The following RPS7 variants were observed in gnomAD, a reference collection of about 807,000 sequenced individuals.
RPS7 encodes the protein small ribosomal subunit protein eS7.
A neutral mutation model predicts 22.1 loss-of-function variants in RPS7; 1 was observed. The ratio of observed to expected loss-of-function variants is 0.05; its 90% confidence interval spans 0.02 to 0.21. RPS7 has a LOEUF of 0.21. Ranked by LOEUF, RPS7 falls within the 10% of genes least tolerant of loss-of-function variation. RPS7 has a pLI of 1.00. For missense variants in RPS7, 137 were observed against 246.4 expected (o/e 0.56, Z 2.97); for synonymous variants, 80 against 92.0 (o/e 0.87, Z 0.74).
intron 3 of RPS7, 175 bp downstream of exon 3, chr2:3,576,063 G>A: frequency 1.5e-6 from 1 of 661,612 alleles, no homozygotes; most frequent in East Asian, 2.7e-5. Context: ...GGGGAGTGGG[G>A]TTGCAGGTAC....
intron 6 of RPS7, 152 bp from the exon 7 acceptor site, chr2:3,580,653 T>C: frequency 1.5e-6 from 1 of 675,934 alleles, no homozygotes. Flanking sequence ...GGAGAAGAGC[T>C]TGTCCCCGGT....
chr2:3,580,708 G>T, intron 6 of RPS7, 97 bp from the exon 7 acceptor site: 1 of 786,834 alleles, frequency 1.3e-6, no homozygotes. Flanking sequence ...AGTTGCTGAG[G>T]AGAAAAACAA....
intron 1 of RPS7, 67 bp from the exon 2 acceptor site, chr2:3,575,525 C>T (rs1661254379): frequency 9.8e-7 from 1 of 1,018,148 alleles, no homozygotes; most frequent in Non-Finnish European, 1.5e-6. Flanking sequence ...CCGGGGGGTG[C>T]GGGCGGGAGG....
At chr2:3,575,911 G>A in intron 3 of RPS7, 23 bp downstream of exon 3, 1 of 1,561,108 alleles carries the variant, frequency 6.4e-7, no homozygotes, top group South Asian at 1.1e-5. Context: ...TCCCTCGGCT[G>A]GGAGGGAGGT....
chr2:3,579,771 G>A (rs1285411125), intron 5 of RPS7: 1 of 392,900 alleles, frequency 2.5e-6, no homozygotes, highest in Non-Finnish European at 4.8e-6. Flanking sequence ...ATTTAGTTGA[G>A]AAATAATACA....
intron 4 of RPS7, 147 bp from the exon 5 acceptor site, chr2:3,577,563 T>C: frequency 4.5e-6 from 3 of 665,542 alleles, no homozygotes; most frequent in South Asian, 1.7e-5. Context: ...GTTTGCTCAG[T>C]CAATTGTTCG....
chr2:3,579,925 T>C, intron 5 of RPS7, 185 bp from the exon 6 acceptor site: 1 of 647,770 alleles, frequency 1.5e-6, no homozygotes, highest in Non-Finnish European at 2.8e-6. Flanking sequence ...GCTATTACCC[T>C]ATTCTAGGTA....
At chr2:3,576,834 A>C (rs1333045340) in intron 4 of RPS7, 3 of 695,190 alleles carry the variant, frequency 4.3e-6, no homozygotes, top group Non-Finnish European at 7.9e-6. Context: ...CACTGTAGAG[A>C]CCAGCCTGGG....
At chr2:3,579,368 G>GTGTA (rs1450970277) in intron 5 of RPS7, 8 of 152,566 alleles carry the variant, frequency 5.2e-5, no homozygotes, top group African/African-American at 1.9e-4. Flanking sequence ...GATGTTAACT[G>GTGTA]TGTATATGGG....
In RPS7 at chr2:3,577,652, CTT is replaced by C. The variant is rs140632181; in HGVS notation, c.292-54_292-53del. Reference sequence around the variant, plus strand: ...TTTTAAAGCAGTATGGCAGTTACAGCTTTTTGTCAATTTAAAGTCTTTTTTCA... The same window carrying C: ...TTTTAAAGCAGTATGGCAGTTACAGCTTTGTCAATTTAAAGTCTTTTTTCA... On this transcript the variant is annotated intron_variant, in intron 4 of 6. Coordinates refer to ENST00000645674, the MANE Select transcript of RPS7 (RefSeq NM_001011.4). 5.9e-4 allele frequency: 771 copies of C among 1,312,920 alleles called. 5 individuals are homozygous for C. The African/African-American group carries it at 9.7e-3, about 17-fold the overall frequency. 81.3% of individuals were successfully genotyped at this position (1,312,920 alleles called of 1,614,324 possible).
intron 5 of RPS7, chr2:3,579,469 C>T (rs893482949): frequency 6.2e-6 from 1 of 160,358 alleles, no homozygotes. Flanking sequence ...ATATGTAAGG[C>T]AGCTCCCTAA....
intron 4 of RPS7, 47 bp downstream of exon 4, chr2:3,576,677 A>T: frequency 6.2e-7 from 1 of 1,607,840 alleles, no homozygotes. Context: ...GAATTTTGCT[A>T]AAATTGCTTG....
chr2:3,579,359 A>G (rs1407798327), intron 5 of RPS7: 1 of 152,310 alleles, frequency 6.6e-6, no homozygotes, highest in African/African-American at 2.4e-5. Flanking sequence ...CCACCAGAAG[A>G]TGTTAACTGT....
intron 2 of RPS7, 53 bp downstream of exon 2, chr2:3,575,737 G>C (rs2147819193): frequency 6.3e-7 from 1 of 1,596,756 alleles, no homozygotes; most frequent in East Asian, 2.2e-5. Context: ...CGCCCGGGAG[G>C]GGAGGCGGCC....
At position 3,576,573 on chromosome 2, in the gene RPS7, G is replaced by T. The variant is rs1307878805; in HGVS notation, c.234G>T (p.Arg78=). The change falls in exon 4 of 7, where the codon CGG becomes CGT. Residue 78 remains arginine (R), a synonymous_variant. Coordinates refer to ENST00000645674, the MANE Select transcript of RPS7 (RefSeq NM_001011.4). ...QLKSFQKIQV[R]LVRELEKKFS... ...AATCTTTCCAGAAAATCCAAGTCCG[G>T]CTAGTACGCGAATTGGAGAAAAAGT... The T allele has an allele frequency of 1.2e-6, 2 of 1,614,060 alleles. No homozygotes were observed. The highest frequency in any genetic ancestry group is 3.3e-5 in the Admixed American group (2 of 60,028).
intron 4 of RPS7, 193 bp from the exon 5 acceptor site, chr2:3,577,517 A>C (rs1004882018): frequency 5.0e-6 from 3 of 601,626 alleles, no homozygotes; most frequent in Non-Finnish European, 8.9e-6. Context: ...ATTCTGAATG[A>C]TTTATTCAAG....
chr2:3,576,187 G>A, intron 3 of RPS7: 2 of 592,018 alleles, frequency 3.4e-6, no homozygotes, highest in South Asian at 4.0e-5. Context: ...GCAAAGAGCT[G>A]TGGGGAGCTC....
intron 5 of RPS7, chr2:3,578,404 A>G (rs532227267): frequency 3.3e-5 from 5 of 152,426 alleles, no homozygotes; most frequent in Admixed American, 2.0e-4. Context: ...AAAAAATCCT[A>G]GTGTTGCCTG....
intron 4 of RPS7, 46 bp downstream of exon 4, chr2:3,576,676 T>G: frequency 6.2e-7 from 1 of 1,607,002 alleles, no homozygotes; most frequent in Non-Finnish European, 8.5e-7. Context: ...TGAATTTTGC[T>G]AAAATTGCTT....
Sources: gnomAD v4.1 joint callset for allele counts on GRCh38, gnomAD v4.1.1 for gene constraint, MANE v1.5 for transcripts, NCBI Gene and HGNC (gene_info 2026-07-23, HGNC 2026-07-21) for gene names.